Variants in SLC10A7 observed in about 807,000 individuals in gnomAD.
The protein encoded by SLC10A7 is sodium/bile acid cotransporter 7.
In SLC10A7, 29 loss-of-function variants were observed where a neutral mutation model predicts 43.2. The ratio of observed to expected loss-of-function variants is 0.67; its 90% CI spans 0.50 to 0.92. The LOEUF (loss-of-function observed/expected upper bound fraction) is 0.92. Ranked by LOEUF, SLC10A7 falls within the 40% of genes least tolerant of loss-of-function variation. The pLI, the probability that SLC10A7 is intolerant of heterozygous loss-of-function variation, is 0.00. For missense variants in SLC10A7, 295 were observed against 403.2 expected, an observed-to-expected ratio of 0.73 and a Z score of 2.30; for synonymous variants, 152 against 144.8, an observed-to-expected ratio of 1.05 and a Z score of -0.35.
chr4:146,303,541 C>G (rs1731309767), intron 7 of SLC10A7, among the ~76,000 whole-genome samples: 1 of 151,838 alleles, frequency 6.6e-6, no homozygotes, highest in Non-Finnish European at 1.5e-5. Context: ...CCACACCCAG[C>G]CAATTTTTTT....
chr4:146,312,448 GATCTA>G (rs1732050489), intron 6 of SLC10A7, among the ~76,000 whole-genome samples: 1 of 152,064 alleles, frequency 6.6e-6, no homozygotes, highest in African/African-American at 2.4e-5. Flanking sequence ...TAATACTTAA[GATCTA>G]ATCACTTAGC....
intron 2 of SLC10A7, among the ~76,000 whole-genome samples, chr4:146,513,191 T>C (rs941492715): frequency 5.3e-5 from 8 of 152,008 alleles, no homozygotes; most frequent in Non-Finnish European, 8.8e-5. Flanking sequence ...TTCTGAACTA[T>C]GTAAATAAAT....
chr4:146,383,013 T>A (rs1737742216), intron 5 of SLC10A7, among the ~76,000 whole-genome samples: 1 of 152,004 alleles, frequency 6.6e-6, no homozygotes, highest in Non-Finnish European at 1.5e-5. Context: ...GGCTCCCCGA[T>A]TTTCTTCTGG....
chr4:146,425,724 A>G (rs146297371), intron 5 of SLC10A7, among the ~76,000 whole-genome samples: 171 of 152,336 alleles, frequency 1.1e-3, no homozygotes, highest in Middle Eastern at 0.01. Flanking sequence ...CAATGGAAAT[A>G]GAGAAAACAA....
chr4:146,517,438 G>A (rs1261720128), intron 1 of SLC10A7, among the ~76,000 whole-genome samples: 1 of 151,988 alleles, frequency 6.6e-6, no homozygotes, highest in African/African-American at 2.4e-5. Context: ...ACTCCAGCCT[G>A]GGCAACAAAG....
intron 4 of SLC10A7, among the ~76,000 whole-genome samples, chr4:146,489,931 CT>C (rs953102242): frequency 1.4e-3 from 197 of 144,758 alleles, no homozygotes; most frequent in African/African-American, 2.7e-3. Context: ...AAAGTAGGCT[CT>C]TTTTTTTTTT....
intron 5 of SLC10A7, among the ~76,000 whole-genome samples, chr4:146,357,236 A>G (rs1490846543): frequency 1.3e-5 from 2 of 152,358 alleles, no homozygotes; most frequent in East Asian, 3.9e-4. Flanking sequence ...GCAATAATGT[A>G]AAGCAGGTAA....
chr4:146,508,289 T>G (rs964875395), intron 3 of SLC10A7, among the ~76,000 whole-genome samples: 3 of 152,200 alleles, frequency 2.0e-5, no homozygotes, highest in Admixed American at 6.5e-5. Flanking sequence ...TATAACCAAC[T>G]AGGTTGGAAG....
chr4:146,351,718 G>A (rs1235148543), intron 5 of SLC10A7, among the ~76,000 whole-genome samples: 7 of 149,460 alleles, frequency 4.7e-5, no homozygotes, highest in Non-Finnish European at 8.9e-5. Flanking sequence ...AGAAGAGAGT[G>A]GGGGCCAATA....
At chr4:146,279,331 T>C (rs763461424) in intron 10 of SLC10A7, among the ~76,000 whole-genome samples, 89 of 152,188 alleles carry the variant, frequency 5.8e-4, no homozygotes, top group Non-Finnish European at 1.0e-3. Flanking sequence ...CAAAGTGATT[T>C]GAATACTCAA....
At chr4:146,357,403 T>C (rs1163901182) in intron 5 of SLC10A7, among the ~76,000 whole-genome samples, 10 of 152,154 alleles carry the variant, frequency 6.6e-5, no homozygotes. Flanking sequence ...TTGAGTGGAA[T>C]ACTTAAGGAA....
intron 5 of SLC10A7, among the ~76,000 whole-genome samples, chr4:146,338,193 A>G (rs1293636536): frequency 6.6e-6 from 1 of 152,032 alleles, no homozygotes; most frequent in Non-Finnish European, 1.5e-5. Flanking sequence ...TCCATTTGAT[A>G]AGAAACACAC....
At chr4:146,455,424 A>G (rs7663212) in intron 4 of SLC10A7, among the ~76,000 whole-genome samples, 37,037 of 151,668 alleles carry the variant, frequency 0.24, 4,599 homozygotes, top group South Asian at 0.34. Flanking sequence ...AAGTGCATCC[A>G]CAAAACCTAA....
intron 4 of SLC10A7, among the ~76,000 whole-genome samples, chr4:146,497,565 C>T (rs552702289): frequency 1.3e-5 from 2 of 152,294 alleles, no homozygotes; most frequent in South Asian, 2.1e-4. Flanking sequence ...ATTCACTTCA[C>T]ATTTTTCGGC....
chr4:146,381,229 A>T (rs1039256715), intron 5 of SLC10A7, among the ~76,000 whole-genome samples: 4 of 152,178 alleles, frequency 2.6e-5, no homozygotes, highest in African/African-American at 9.7e-5. Context: ...ACAAACTTTC[A>T]TCAATAGAAT....
intron 6 of SLC10A7, among the ~76,000 whole-genome samples, chr4:146,311,872 A>G (rs1035238993): frequency 6.6e-6 from 1 of 152,136 alleles, no homozygotes; most frequent in Non-Finnish European, 1.5e-5. Flanking sequence ...GAGTCTCCCC[A>G]GGCCCCAATC....
At chr4:146,327,104 C>T (rs2149708687) in intron 5 of SLC10A7, among the ~76,000 whole-genome samples, 1 of 152,248 alleles carries the variant, frequency 6.6e-6, no homozygotes, top group South Asian at 2.1e-4. Flanking sequence ...ACATGAAAGT[C>T]CCTGTGTCAT....
intron 4 of SLC10A7, among the ~76,000 whole-genome samples, chr4:146,468,966 T>G (rs1733315157): frequency 6.6e-6 from 1 of 152,018 alleles, no homozygotes; most frequent in Non-Finnish European, 1.5e-5. Context: ...AAACCAAACT[T>G]GTATGAAGAA....
intron 5 of SLC10A7, among the ~76,000 whole-genome samples, chr4:146,421,458 G>A (rs140991231): frequency 6.6e-6 from 1 of 152,026 alleles, no homozygotes; most frequent in Non-Finnish European, 1.5e-5. Context: ...TTGCTACCAG[G>A]CCATTTCTCC....
Sources: allele counts gnomAD v4.1 joint callset (sites outside exome capture counted in the v4.1 genomes callset), GRCh38; gene constraint gnomAD v4.1.1; transcripts MANE v1.5; gene names NCBI Gene and HGNC (gene_info 2026-07-23, HGNC 2026-07-21).